The following DENND1A variants were observed in gnomAD, a reference collection of about 807,000 sequenced individuals.
DENND1A encodes the protein DENN domain-containing protein 1A.
A neutral mutation model predicts 113.7 loss-of-function variants in DENND1A; 51 were observed. That is an observed-to-expected ratio of 0.45 (90% confidence interval 0.36 to 0.57). The LOEUF (loss-of-function observed/expected upper bound fraction) is 0.57, where lower values mean the gene tolerates loss of function less well. DENND1A is among the 20% of genes least tolerant of loss of function. The pLI is 0.00. For missense variants in DENND1A, 1,258 were observed against 1,395.9 expected, an observed-to-expected ratio of 0.90 and a Z score of 1.57; for synonymous variants, 565 against 570.8, an observed-to-expected ratio of 0.99 and a Z score of 0.14.
chr9:123,591,188 A>G (rs2059439397), intron 11 of DENND1A, among the ~76,000 whole-genome samples: 1 of 152,182 alleles, frequency 6.6e-6, no homozygotes, highest in African/African-American at 2.4e-5. Context: ...TGGTTGTATG[A>G]AAACAATGGG....
intron 18 of DENND1A, among the ~76,000 whole-genome samples, chr9:123,450,043 GA>G (rs112846577): frequency 0.015 from 1,834 of 119,690 alleles, 21 homozygotes; most frequent in East Asian, 0.038. Flanking sequence ...GATAAAAAAA[GA>G]AAAAAAAAAA....
intron 3 of DENND1A, among the ~76,000 whole-genome samples, chr9:123,781,257 T>C (rs781265805): frequency 3.3e-5 from 5 of 152,212 alleles, no homozygotes; most frequent in Non-Finnish European, 7.3e-5. Flanking sequence ...CCACGATTTC[T>C]GTGTAGTCAC....
Position 123,428,588 on chromosome 9 carries a change from A to C in DENND1A, c.1488+11772T>G, listed in dbSNP as rs143701606. On this transcript the variant is annotated intron_variant, in intron 19 of 23. Coordinates refer to ENST00000394215, the MANE Select transcript of DENND1A (RefSeq NM_001352964.2). ...AAGAGAAAGAAATAAAGGGCATTCA[A>C]ATAGAAAGACAGGAAGTCAAATTAT... 1.3e-4 allele frequency among the ~76,000 whole-genome samples: 20 copies of C among 152,374 alleles called. No homozygotes were observed. The East Asian group carries it at 3.7e-3, about 28-fold the overall frequency.
chr9:123,640,430 G>C (rs1229049822), intron 9 of DENND1A, among the ~76,000 whole-genome samples: 1 of 152,178 alleles, frequency 6.6e-6, no homozygotes, highest in Non-Finnish European at 1.5e-5. Context: ...GCTCTGTGAG[G>C]ACTTGAATGA....
chr9:123,641,810 G>A (rs1416623699), intron 9 of DENND1A, among the ~76,000 whole-genome samples: 1 of 152,128 alleles, frequency 6.6e-6, no homozygotes, highest in Non-Finnish European at 1.5e-5. Context: ...TCAATCATCC[G>A]GGGAACCTCA....
At chr9:123,519,025 TC>T (rs1394949208) in intron 13 of DENND1A, among the ~76,000 whole-genome samples, 1 of 152,084 alleles carries the variant, frequency 6.6e-6, no homozygotes, top group Non-Finnish European at 1.5e-5. Flanking sequence ...CATCCTGGGC[TC>T]CCCCGTTCCC....
chr9:123,559,197 C>T (rs1037462100), intron 12 of DENND1A, among the ~76,000 whole-genome samples: 3 of 151,738 alleles, frequency 2.0e-5, no homozygotes, highest in South Asian at 2.1e-4. Context: ...GCTTCGGTGG[C>T]GAAAATGAGG....
intron 13 of DENND1A, among the ~76,000 whole-genome samples, chr9:123,534,980 A>G (rs1352632315): frequency 1.3e-5 from 2 of 152,178 alleles, no homozygotes; most frequent in African/African-American, 4.8e-5. Flanking sequence ...TCAAAAGGAC[A>G]AAAAGTTGGA....
rs2046929182 is a variant in DENND1A, at chr9:123,441,499, G to T, written c.1357-1008C>A. ...ATCCAGAAATTTACATTTAATTTGT[G>T]CTTCTGATGACTGAAGTCAAATTAT... is the stretch of plus-strand genomic sequence containing the variant. On this transcript the variant is annotated intron_variant, in intron 18 of 23. Coordinates refer to ENST00000394215, the MANE Select transcript of DENND1A (RefSeq NM_001352964.2). 2.0e-5 allele frequency among the ~76,000 whole-genome samples: 3 copies of T among 152,282 alleles called. No homozygotes were observed. In the South Asian group the frequency reaches 6.2e-4, roughly 32 times the overall value.
At chr9:123,724,510 C>G (rs980692445) in intron 5 of DENND1A, among the ~76,000 whole-genome samples, 16 of 122,232 alleles carry the variant, frequency 1.3e-4, no homozygotes, top group Admixed American at 4.4e-4. Context: ...GACAGAGAAG[C>G]ATAAAATTAA....
Position 123,387,153 on chromosome 9 carries a change from G to A in DENND1A, c.1760+577C>T, listed in dbSNP as rs375291904. Among the ~76,000 whole-genome samples, 15 of 152,296 alleles carry A rather than the reference G, an allele frequency of 9.8e-5. No individual in the cohort carries two copies. In the South Asian group the frequency reaches 1.9e-3, roughly 19 times the overall value. On this transcript the variant is annotated intron_variant, in intron 22 of 23. Transcript: ENST00000394215. ...CAAGAACGGGTAAAGGAAGGAGGGC[G>A]ACAGCAGCTTAATCTTAGGGGTGGC...
intron 13 of DENND1A, among the ~76,000 whole-genome samples, chr9:123,530,283 G>C (rs1049702798): frequency 1.3e-5 from 2 of 152,088 alleles, no homozygotes; most frequent in Non-Finnish European, 2.9e-5. Context: ...AATATAAGGC[G>C]AAAGAGAACA....
chr9:123,686,725 T>G (rs1386950665), intron 5 of DENND1A, among the ~76,000 whole-genome samples: 1 of 152,240 alleles, frequency 6.6e-6, no homozygotes, highest in African/African-American at 2.4e-5. Context: ...ATACCCTAAA[T>G]GCATATTTTT....
At chr9:123,778,076 TAAAG>T (rs1182945079) in intron 3 of DENND1A, among the ~76,000 whole-genome samples, 3 of 152,022 alleles carry the variant, frequency 2.0e-5, no homozygotes, top group Non-Finnish European at 4.4e-5. Flanking sequence ...ACTACTGAAA[TAAAG>T]AAATTATATA....
chr9:123,609,498 A>C lies in DENND1A; in HGVS notation c.720-17T>G. The C allele has an allele frequency of 6.2e-7, 1 of 1,611,934 alleles. No homozygotes were observed. The highest frequency in any genetic ancestry group is 8.5e-7 in the Non-Finnish European group (1 of 1,178,968). ...ATGGGAGCACTGTGAAGAGAAACAG[A>C]GACACACAGCTGCTTTAATGTCTGT... is the stretch of plus-strand genomic sequence containing the variant. On this transcript the variant is annotated splice_polypyrimidine_tract_variant and intron_variant, in intron 10 of 23. Coordinates refer to ENST00000394215, the MANE Select transcript of DENND1A (RefSeq NM_001352964.2).
At chr9:123,784,670 T>A (rs1256600756) in intron 3 of DENND1A, among the ~76,000 whole-genome samples, 3 of 152,202 alleles carry the variant, frequency 2.0e-5, no homozygotes, top group Non-Finnish European at 4.4e-5. Context: ...CAAGAGAACA[T>A]TCTCATAAGA....
At chr9:123,739,690 A>C (rs1174486043) in intron 5 of DENND1A, among the ~76,000 whole-genome samples, 7 of 152,208 alleles carry the variant, frequency 4.6e-5, no homozygotes, top group Admixed American at 4.6e-4. Flanking sequence ...AGTACAAGAA[A>C]GATCTAAAAT....
intron 12 of DENND1A, among the ~76,000 whole-genome samples, chr9:123,581,583 C>T (rs976892360): frequency 6.6e-6 from 1 of 151,954 alleles, no homozygotes; most frequent in Non-Finnish European, 1.5e-5. Flanking sequence ...TAAGATAGTG[C>T]CACTGCACTC....
At chr9:123,705,718 C>T (rs1356846089) in intron 5 of DENND1A, among the ~76,000 whole-genome samples, 1 of 152,132 alleles carries the variant, frequency 6.6e-6, no homozygotes, top group Non-Finnish European at 1.5e-5. Context: ...GGAAAACTCA[C>T]TAACATAAAG....
Sources: gnomAD v4.1 joint callset for allele counts (sites outside exome capture counted in the v4.1 genomes callset) on GRCh38, gnomAD v4.1.1 for gene constraint, MANE v1.5 for transcripts, NCBI Gene and HGNC (gene_info 2026-07-23, HGNC 2026-07-21) for gene names.